Variants in FAF2 observed in about 807,000 individuals in gnomAD.
The protein encoded by FAF2 is FAS-associated factor 2.
Under a neutral mutation model 62.3 loss-of-function variants are expected in FAF2, and 9 were observed. The ratio of observed to expected loss-of-function variants is 0.14; its 90% CI spans 0.09 to 0.25. The LOEUF (loss-of-function observed/expected upper bound fraction) is 0.25, where lower values mean the gene tolerates loss of function less well. Among genes scored for constraint, FAF2 ranks in the 10% least tolerant of loss-of-function variants. The pLI is 1.00. For missense variants in FAF2, 368 were observed against 556.2 expected (o/e 0.66, Z 3.40); for synonymous variants, 202 against 198.0 (o/e 1.02, Z -0.17).
intron 2 of FAF2, among the ~76,000 whole-genome samples, chr5:176,482,568 G>A (rs1472789887): frequency 1.3e-5 from 2 of 152,084 alleles, no homozygotes; most frequent in Non-Finnish European, 2.9e-5. Context: ...GAGTACAGTG[G>A]TACTATTATG....
intron 1 of FAF2, among the ~76,000 whole-genome samples, chr5:176,472,405 A>G (rs996760267): frequency 3.3e-5 from 5 of 151,616 alleles, no homozygotes; most frequent in African/African-American, 1.2e-4. Context: ...TCAGCCTCCC[A>G]AAGTGCTGGG....
At chr5:176,483,550 G>C (rs1384337530) in intron 2 of FAF2, among the ~76,000 whole-genome samples, 1 of 152,042 alleles carries the variant, frequency 6.6e-6, no homozygotes, top group Non-Finnish European at 1.5e-5. Flanking sequence ...TAAAACTAGG[G>C]GACTACCTGA....
chr5:176,449,189 C>T (rs769395270), intron 1 of FAF2, among the ~76,000 whole-genome samples: 3 of 152,210 alleles, frequency 2.0e-5, no homozygotes, highest in Non-Finnish European at 4.4e-5. Context: ...TCACTTACCC[C>T]TGAGCTGGAG....
In FAF2 at chr5:176,500,008, A is replaced by G. The variant is rs1458356170; in HGVS notation, c.1017A>G (p.Leu339=). 6.2e-6 allele frequency: 10 copies of G among 1,614,112 alleles called. No individual in the cohort carries two copies. Among genetic ancestry groups the G allele is most frequent in the African/African-American group, 4.0e-5 (3 of 75,016 alleles). ...TTTGCTTTGTGTCTCTGCAGAATTT[A>G]CAGGAGGAAAAGGAAAGGAAGTTGG... The part of the protein sequence containing the change: ...KLAEERRRQN[L]QEEKERKLEC... Residue 339 remains leucine (L), a synonymous_variant, in exon 10 of 11, where the codon TTA becomes TTG. Transcript: ENST00000261942.
intron 4 of FAF2, among the ~76,000 whole-genome samples, chr5:176,490,478 C>T (rs1332254387): frequency 6.6e-6 from 1 of 151,838 alleles, no homozygotes; most frequent in African/African-American, 2.4e-5. Context: ...TGGGCCTTCC[C>T]TGGAAGTACA....
At position 176,458,197 on chromosome 5, in the gene FAF2, T is replaced by C. The variant is rs10063364; in HGVS notation, c.63+9727T>C. Among the ~76,000 whole-genome samples, 254 of 152,190 alleles carry C rather than the reference T, an allele frequency of 1.7e-3. 1 individual carries two copies. Among genetic ancestry groups the C allele is most frequent in the African/African-American group, 5.4e-3 (223 of 41,528 alleles). On this transcript the variant is annotated intron_variant, in intron 1 of 10. Transcript: ENST00000261942. Reference sequence around the variant, plus strand: ...GCTGGACTCAAGCCATCTTTCCAGCTCCCCTTCTTGCGTAGCTGGGACCAC... The same window carrying C: ...GCTGGACTCAAGCCATCTTTCCAGCCCCCCTTCTTGCGTAGCTGGGACCAC...
At chr5:176,475,005 G>A (rs986190977) in intron 1 of FAF2, among the ~76,000 whole-genome samples, 1 of 152,174 alleles carries the variant, frequency 6.6e-6, no homozygotes, top group Non-Finnish European at 1.5e-5. Flanking sequence ...GGCTTGTTCA[G>A]TTGGGTTTCC....
intron 1 of FAF2, among the ~76,000 whole-genome samples, chr5:176,476,520 C>A (rs1758693477): frequency 6.6e-6 from 1 of 150,668 alleles, no homozygotes; most frequent in South Asian, 2.1e-4. Context: ...TGTAAATAAT[C>A]ATAAGATAGG....
intron 1 of FAF2, among the ~76,000 whole-genome samples, chr5:176,475,312 T>C (rs1758669236): frequency 6.6e-6 from 1 of 152,078 alleles, no homozygotes; most frequent in East Asian, 1.9e-4. Flanking sequence ...TTTGTATTTT[T>C]TATAGAGATG....
intron 1 of FAF2, among the ~76,000 whole-genome samples, chr5:176,454,575 C>T (rs1456252349): frequency 5.1e-5 from 3 of 59,232 alleles, no homozygotes; most frequent in East Asian, 5.2e-4. Flanking sequence ...CAGATTCTGT[C>T]TGAAAAAAAA....
At chr5:176,464,848 C>G (rs1350590009) in intron 1 of FAF2, among the ~76,000 whole-genome samples, 1 of 151,602 alleles carries the variant, frequency 6.6e-6, no homozygotes, top group Non-Finnish European at 1.5e-5. Flanking sequence ...GATTATATTG[C>G]AGATTTCTAA....
intron 1 of FAF2, among the ~76,000 whole-genome samples, chr5:176,467,860 G>A (rs1758498669): frequency 6.6e-6 from 1 of 152,202 alleles, no homozygotes; most frequent in Non-Finnish European, 1.5e-5. Flanking sequence ...ATAATGAGAA[G>A]ATCAGTGTTT....
chr5:176,487,995 A>G (rs954345408), intron 3 of FAF2, among the ~76,000 whole-genome samples: 3 of 151,794 alleles, frequency 2.0e-5, no homozygotes, highest in Non-Finnish European at 2.9e-5. Context: ...GGCGCCCACC[A>G]CCGCGTCTGG....
At chr5:176,469,595 C>T (rs1459112071) in intron 1 of FAF2, among the ~76,000 whole-genome samples, 2 of 152,162 alleles carry the variant, frequency 1.3e-5, no homozygotes, top group South Asian at 2.1e-4. Context: ...TGGAATAGTC[C>T]TTTCGAAATG....
At chr5:176,449,879 A>G (rs903193303) in intron 1 of FAF2, among the ~76,000 whole-genome samples, 13 of 152,194 alleles carry the variant, frequency 8.5e-5, no homozygotes, top group African/African-American at 2.7e-4. Flanking sequence ...CAGCAACCCT[A>G]TGAGGTTCAT....
chr5:176,487,564 G>A (rs922363998), intron 3 of FAF2, among the ~76,000 whole-genome samples: 2 of 152,138 alleles, frequency 1.3e-5, no homozygotes, highest in Non-Finnish European at 2.9e-5. Context: ...GTCAGCCATG[G>A]GGCTCCAGAG....
rs1256454804 is a variant in FAF2 at position 176,454,574 on chromosome 5, T to TC, written c.63+6105dup. On this transcript the variant is annotated intron_variant, in intron 1 of 10. Transcript: ENST00000261942. Reference sequence around the variant, plus strand: ...ACCTGGGCAACAGAGCCAGATTCTGTCTGAAAAAAAAAAAAAAAAAAAAAA... The same window carrying TC: ...ACCTGGGCAACAGAGCCAGATTCTGTCCTGAAAAAAAAAAAAAAAAAAAAAA... Among the ~76,000 whole-genome samples the TC allele has an allele frequency of 4.5e-3, 352 of 77,630 alleles. 3 individuals are homozygous for TC. The highest frequency in any genetic ancestry group is 0.02 in the African/African-American group (332 of 17,012). 50.9% of individuals were successfully genotyped at this position (77,630 alleles called of 152,430 possible).
At chr5:176,470,015 G>A (rs1054120316) in intron 1 of FAF2, among the ~76,000 whole-genome samples, 3 of 152,176 alleles carry the variant, frequency 2.0e-5, no homozygotes, top group Admixed American at 6.5e-5. Context: ...GAAAACACCA[G>A]AAGATTCCTG....
chr5:176,466,275 TAAAGC>T (rs901466449), intron 1 of FAF2, among the ~76,000 whole-genome samples: 2 of 152,226 alleles, frequency 1.3e-5, no homozygotes, highest in African/African-American at 4.8e-5. Context: ...GCCTATTACA[TAAAGC>T]AAAGCAAAGC....
Sources: gnomAD v4.1 joint callset for allele counts (sites outside exome capture counted in the v4.1 genomes callset) on GRCh38, gnomAD v4.1.1 for gene constraint, MANE v1.5 for transcripts, NCBI Gene and HGNC (gene_info 2026-07-23, HGNC 2026-07-21) for gene names.